The following TRAF7 variants were observed in gnomAD, a reference collection of about 807,000 sequenced individuals.
TRAF7 encodes the protein E3 ubiquitin-protein ligase TRAF7.
TRAF7 carries 45 observed loss-of-function variants against 89.3 expected under a neutral mutation model. The ratio of observed to expected loss-of-function variants is 0.50; its 90% CI spans 0.40 to 0.65. The LOEUF (loss-of-function observed/expected upper bound fraction) is 0.65, where lower values mean the gene tolerates loss of function less well. TRAF7 is among the 30% of genes least tolerant of loss of function. TRAF7 has a pLI of 0.00. For missense variants in TRAF7, 677 were observed against 918.1 expected (o/e 0.74, Z 3.39); for synonymous variants, 406 against 369.2 (o/e 1.10, Z -1.14).
intron 18 of TRAF7, 35 bp downstream of exon 18, chr16:2,175,988 G>A (rs1301178347): frequency 1.2e-5 from 19 of 1,605,402 alleles, no homozygotes; most frequent in Non-Finnish European, 1.6e-5. Flanking sequence ...AGGCCAGACT[G>A]TGGCCCCGTC....
chr16:2,164,165 CGCGCGCGCGCGCGCGCACGCGTGCGT>C lies in TRAF7; in HGVS notation c.81+166_81+191del, dbSNP rs1356097954. ...GTGTGTGTGTGTGTGTGTGTGCGCG[CGCGCGCGCGCGCGCGCACGCGTGCGT>C]GTGTGGTTGGGGCGTGTTAGTGCTG... On this transcript the variant is annotated intron_variant, in intron 2 of 20. Transcript: ENST00000326181. 4.5e-5 allele frequency among the ~76,000 whole-genome samples: 4 copies of C among 88,550 alleles called. No individual in the cohort carries two copies. The East Asian group carries it at 1.2e-3, about 27-fold the overall frequency. The allele number at this position is 88,550 out of a possible 152,430, so 58.1% of individuals were successfully genotyped here.
intron 11 of TRAF7, 41 bp downstream of exon 11, chr16:2,173,595 G>T: frequency 6.2e-7 from 1 of 1,606,512 alleles, no homozygotes; most frequent in South Asian, 1.1e-5. Context: ...GTGAGACCCG[G>T]GGAGGCCGGC....
intron 2 of TRAF7, among the ~76,000 whole-genome samples, chr16:2,164,938 T>G (rs879685674): frequency 1.6e-5 from 1 of 60,760 alleles, no homozygotes; most frequent in Admixed American, 1.4e-4. Context: ...GTCGCATGGT[T>G]AAGCGTGTGA....
chr16:2,175,229 C>G, intron 15 of TRAF7, 72 bp from the exon 16 acceptor site: 1 of 1,612,474 alleles, frequency 6.2e-7, no homozygotes, highest in African/African-American at 1.3e-5. Context: ...GGACGTGTTT[C>G]TCCCCGTCTG....
At position 2,158,143 on chromosome 16, in the gene TRAF7, G is replaced by T. The variant is rs1376030771; in HGVS notation, c.-39+2285G>T. Among the ~76,000 whole-genome samples, 2 of 152,216 alleles carry T rather than the reference G, an allele frequency of 1.3e-5. No homozygotes were observed. The highest frequency in any genetic ancestry group is 4.8e-5 in the African/African-American group (2 of 41,460). On this transcript the variant is annotated intron_variant, in intron 1 of 20. Transcript: ENST00000326181. This position sits in a 1 kb window ranked among gnomAD's most constrained non-coding sequence, Gnocchi z 4.7. ...TGGACACCCTGCGGGGTCAGGGAGG[G>T]CATGTGGGGAGGGCCGAGAGCTGTT...
chr16:2,163,184 C>T lies in TRAF7; in HGVS notation c.-38-699C>T, dbSNP rs1008973953. The stretch of plus-strand genomic sequence containing the variant: ...TTCTGGGGAGGGTGATTCCCGCATG[C>T]CTTCTCCCTGCCCCCCCACCCACCA... On this transcript the variant is annotated intron_variant, in intron 1 of 20. Coordinates refer to ENST00000326181, the MANE Select transcript of TRAF7 (RefSeq NM_032271.3). The surrounding 1 kb of genome is among the most constrained non-coding windows in gnomAD (Gnocchi z 4.3). Among the ~76,000 whole-genome samples, 2 of 152,094 alleles carry T rather than the reference C, an allele frequency of 1.3e-5. No individual in the cohort carries two copies. The highest frequency in any genetic ancestry group is 2.9e-5 in the Non-Finnish European group (2 of 67,996).
rs73498163 is a variant in TRAF7, at chr16:2,173,443, C to T, written c.1013-38C>T. On this transcript the variant is annotated intron_variant, in intron 10 of 20. Coordinates refer to ENST00000326181, the MANE Select transcript of TRAF7 (RefSeq NM_032271.3). ...GCAGGCAGGGGCCTGGCCACTGCTC[C>T]GGGCACCAGTGACACCCCCTCTCCT... The T allele has an allele frequency of 2.5e-3, 4,070 of 1,612,548 alleles. 122 individuals are homozygous for T. The African/African-American group carries it at 0.049, about 19-fold the overall frequency.
Position 2,176,734 on chromosome 16 carries a change from A to AGCCTCCCTCTACTCGGCAC in TRAF7, c.*161_*179dup, listed in dbSNP as rs1274727943. ...TGCCCTCCCCGTCCCATGCTCGGCG[A>AGCCTCCCTCTACTCGGCAC]GCCTCCCTCTACTCGGCACTGTCCT... On this transcript the variant is annotated 3_prime_UTR_variant, in exon 21 of 21. Coordinates refer to ENST00000326181, the MANE Select transcript of TRAF7 (RefSeq NM_032271.3). 16 of 1,068,352 alleles carry AGCCTCCCTCTACTCGGCAC rather than the reference A, an allele frequency of 1.5e-5. No homozygotes were observed. The highest frequency in any genetic ancestry group is 2.1e-5 in the Non-Finnish European group (15 of 720,626). The allele number at this position is 1,068,352 out of a possible 1,614,324, so 66.2% of individuals were successfully genotyped here.
intron 3 of TRAF7, among the ~76,000 whole-genome samples, chr16:2,166,989 TG>T (rs2093088933): frequency 6.6e-6 from 1 of 152,236 alleles, no homozygotes; most frequent in Non-Finnish European, 1.5e-5. Flanking sequence ...TTAATTGCTC[TG>T]ATAAACCTGG....
In TRAF7 at chr16:2,161,806, C is replaced by G. The variant is rs2093059387; in HGVS notation, c.-38-2077C>G. On this transcript the variant is annotated intron_variant, in intron 1 of 20. Coordinates refer to ENST00000326181, the MANE Select transcript of TRAF7 (RefSeq NM_032271.3). The surrounding 1 kb of genome is among the most constrained non-coding windows in gnomAD (Gnocchi z 5.2). ...AAAGGCAAGCCCTGGCCAGCTCTCC[C>G]CGACCTTCCTGCCGGGAGCTGCTGG... Among the ~76,000 whole-genome samples the G allele has an allele frequency of 6.6e-6, 1 of 152,220 alleles. No individual in the cohort carries two copies. Among genetic ancestry groups the G allele is most frequent in the Non-Finnish European group, 1.5e-5 (1 of 68,042 alleles).
Position 2,173,251 on chromosome 16 carries a change from G to A in TRAF7, c.864G>A (p.Lys288=), listed in dbSNP as rs777911890. 1.9e-6 allele frequency: 3 copies of A among 1,613,378 alleles called. No homozygotes were observed. The highest frequency in any genetic ancestry group is 1.6e-4 in the Middle Eastern group (1 of 6,062). The part of the protein sequence containing the change: ...HLETCRFEGL[K]EFLQQTDDRF... ...AGACTTGCCGCTTCGAGGGCCTGAA[G>A]GAGTTTCTGCAGCAGACGGATGACC... The change falls in exon 10 of 21, where the codon AAG becomes AAA. Residue 288 remains lysine (K), a synonymous_variant. Coordinates refer to ENST00000326181, the MANE Select transcript of TRAF7 (RefSeq NM_032271.3).
In TRAF7 at chr16:2,176,956, C is replaced by T. The variant is rs1032457561; in HGVS notation, c.*382C>T. ...AGACTGTGGCTGTGAGTGGGGACAG[C>T]TCCTCGGGACAAGGGGGCTGTGTGT... is the stretch of plus-strand genomic sequence containing the variant. On this transcript the variant is annotated 3_prime_UTR_variant, in exon 21 of 21. Coordinates refer to ENST00000326181, the MANE Select transcript of TRAF7 (RefSeq NM_032271.3). 7.2e-5 allele frequency: 31 copies of T among 431,816 alleles called. No homozygotes were observed. Among genetic ancestry groups the T allele is most frequent in the Non-Finnish European group, 1.3e-4 (29 of 231,012 alleles). The allele number at this position is 431,816 out of a possible 1,614,324, so 26.7% of individuals were successfully genotyped here.
chr16:2,176,002 C>G, intron 18 of TRAF7, 47 bp from the exon 19 acceptor site: 1 of 1,611,232 alleles, frequency 6.2e-7, no homozygotes, highest in South Asian at 1.1e-5. Context: ...CCCCGTCTCC[C>G]CCGCCTTGCT....
At chr16:2,173,636 G>A (rs2093122819) in intron 11 of TRAF7, 82 bp downstream of exon 11, 2 of 1,584,714 alleles carry the variant, frequency 1.3e-6, no homozygotes, top group African/African-American at 1.3e-5. Flanking sequence ...CCCTGGCCTT[G>A]CCTACACTAG....
intron 2 of TRAF7, among the ~76,000 whole-genome samples, 161 bp downstream of exon 2, chr16:2,164,162 G>A (rs938921386): frequency 1.3e-4 from 11 of 82,106 alleles, no homozygotes; most frequent in Non-Finnish European, 1.5e-4. Context: ...GTGTGTGTGC[G>A]CGCGCGCGCG....
chr16:2,173,671 G>T, intron 11 of TRAF7, 117 bp downstream of exon 11: 4 of 1,569,150 alleles, frequency 2.5e-6, no homozygotes, highest in Middle Eastern at 4.5e-4. Context: ...CTTGTGTGTG[G>T]CAGGGGCTGC....
intron 2 of TRAF7, among the ~76,000 whole-genome samples, chr16:2,165,448 GTGGCC>G (rs2093081232): frequency 7.8e-6 from 1 of 127,752 alleles, no homozygotes; most frequent in Non-Finnish European, 1.6e-5. Flanking sequence ...TTAGTGCTGC[GTGGCC>G]TGGCCTGGTC....
Position 2,170,662 on chromosome 16 carries a change from T to C in TRAF7, c.280T>C (p.Ser94Pro). 1 of 1,610,360 alleles carries C rather than the reference T, an allele frequency of 6.2e-7. No homozygotes were observed. The highest frequency in any genetic ancestry group is 8.5e-7 in the Non-Finnish European group (1 of 1,178,784). The change falls in exon 5 of 21, where the codon TCC (serine) becomes CCC (proline). Residue 94 changes from serine (S) to proline (P), a missense_variant. Ser to Pro is a moderately conservative substitution (Grantham distance 74). Transcript: ENST00000326181. Reference protein sequence around the residue: ...RRSDSAISVRSLHSESSMSLR... With the variant: ...RRSDSAISVRPLHSESSMSLR... ...CTCCGACTCCGCCATCTCTGTCCGC[T>C]CCCTGCACTCAGAGTCCAGCATGTC...
rs1333732884 is a variant in TRAF7 at position 2,175,524 on chromosome 16, C to G, written c.1528C>G (p.Leu510Val). ...IKVWDIVGTELKLKKELTGLN... is the reference protein window; with the variant it reads ...IKVWDIVGTEVKLKKELTGLN... The stretch of plus-strand genomic sequence containing the variant: ...GGTCTGGGACATCGTGGGCACTGAG[C>G]TGAAGTTGAAGAAGGAGCTCACAGG... Residue 510 changes from leucine to valine, a missense_variant, in exon 17 of 21, where the codon CTG becomes GTG. Physicochemically the swap from Leu to Val is conservative, Grantham distance 32. Around this residue, in one of 6 missense-constraint regions of TRAF7, gnomAD observed 160 missense variants for 263.7 expected, o/e 0.61. Coordinates refer to ENST00000326181, the MANE Select transcript of TRAF7 (RefSeq NM_032271.3). 6.2e-7 allele frequency: 1 copy of G among 1,613,350 alleles called. No individual in the cohort carries two copies. The highest frequency in any genetic ancestry group is 1.1e-5 in the South Asian group (1 of 91,084).
Sources: gnomAD v4.1 joint callset for allele counts (sites outside exome capture counted in the v4.1 genomes callset) on GRCh38, gnomAD v4.1.1 for gene constraint, gnomAD v4.1.1 regional missense constraint, Gnocchi (gnomAD v3.1) non-coding constraint, MANE v1.5 for transcripts, NCBI Gene and HGNC (gene_info 2026-07-23, HGNC 2026-07-21) for gene names.